Variants in MICU3 observed in about 807,000 individuals in gnomAD.
MICU3 encodes the protein calcium uptake protein 3, mitochondrial.
A neutral mutation model predicts 66.5 loss-of-function variants in MICU3; 62 were observed. The ratio of observed to expected loss-of-function variants is 0.93; its 90% CI spans 0.76 to 1.15. The LOEUF is 1.15. MICU3 is among the 50% of genes most tolerant of loss of function. The probability of loss-of-function intolerance (pLI) is 0.00; values close to 1 mark genes in which losing one functional copy is unlikely to be tolerated. For synonymous variants in MICU3, 308 were observed against 240.7 expected (o/e 1.28, Z -2.59); for missense variants, 779 against 664.4 (o/e 1.17, Z -1.90).
intron 9 of MICU3, among the ~76,000 whole-genome samples, chr8:17,099,452 A>G (rs1390602320): frequency 5.3e-5 from 8 of 151,762 alleles, no homozygotes; most frequent in Admixed American, 5.3e-4. Context: ...CCATATATAC[A>G]ATGTTACTCT....
Position 17,116,474 on chromosome 8 carries a change from T to C in MICU3, c.1398T>C (p.Thr466=), listed in dbSNP as rs372321858. Residue 466 remains threonine (T), a synonymous_variant, in exon 13 of 15, where the codon ACT becomes ACC. Coordinates refer to ENST00000318063, the MANE Select transcript of MICU3 (RefSeq NM_181723.3). ...TTAAACGTGCCGTCTATGTAGCTACTGGACTCAAATTTTCACCACATTTAG... is the reference window on the plus strand; with the variant it reads ...TTAAACGTGCCGTCTATGTAGCTACCGGACTCAAATTTTCACCACATTTAG... The part of the protein sequence containing the change: ...DEFKRAVYVA[T]GLKFSPHLVN... 2 of 1,538,148 alleles carry C rather than the reference T, an allele frequency of 1.3e-6. No individual in the cohort carries two copies. Among genetic ancestry groups the C allele is most frequent in the African/African-American group, 1.4e-5 (1 of 70,668 alleles).
intron 1 of MICU3, among the ~76,000 whole-genome samples, chr8:17,051,242 T>C (rs1360965522): frequency 6.6e-6 from 1 of 152,180 alleles, no homozygotes; most frequent in South Asian, 2.1e-4. Context: ...TTTTATATTT[T>C]AATTTTTAAA....
intron 9 of MICU3, among the ~76,000 whole-genome samples, chr8:17,099,581 A>G (rs1801080618): frequency 6.6e-6 from 1 of 151,826 alleles, no homozygotes; most frequent in Non-Finnish European, 1.5e-5. Flanking sequence ...TCTGTGATAT[A>G]TAAATGTGAT....
At chr8:17,089,494 A>G (rs894630537) in intron 7 of MICU3, among the ~76,000 whole-genome samples, 2 of 152,152 alleles carry the variant, frequency 1.3e-5, no homozygotes, top group African/African-American at 4.8e-5. Flanking sequence ...TAGAAATGAC[A>G]ATATGATTCC....
At chr8:17,067,490 G>A (rs779845606) in intron 2 of MICU3, among the ~76,000 whole-genome samples, 1 of 151,838 alleles carries the variant, frequency 6.6e-6, no homozygotes, top group Non-Finnish European at 1.5e-5. Flanking sequence ...ACCGCAATGG[G>A]GTGATCTCAG....
intron 1 of MICU3, among the ~76,000 whole-genome samples, chr8:17,033,228 A>G (rs1812390970): frequency 6.6e-6 from 1 of 152,242 alleles, no homozygotes. Context: ...GCCAAAAGAT[A>G]GGTCTCTTGT....
At position 17,114,180 on chromosome 8, in the gene MICU3, G is replaced by A; in HGVS notation, c.1345G>A (p.Ala449Thr). The A allele has an allele frequency of 3.1e-6, 5 of 1,608,416 alleles. No individual in the cohort carries two copies. The highest frequency in any genetic ancestry group is 1.1e-5 in the South Asian group (1 of 89,858). Residue 449 changes from alanine to threonine, a missense_variant, in exon 12 of 15, where the codon GCA (alanine) becomes ACA (threonine). By Grantham distance (58) the Ala-to-Thr change is moderately conservative. Coordinates refer to ENST00000318063, the MANE Select transcript of MICU3 (RefSeq NM_181723.3). ...FAIALNMYNF[A>T]SRSIGQDEFK... ...AATAGCCCTGAATATGTATAACTTT[G>A]CAAGTCGTTCTATAGGGCAAGGTAA...
intron 11 of MICU3, 141 bp from the exon 12 acceptor site, chr8:17,113,952 C>T (rs1802445220): frequency 2.0e-6 from 1 of 497,548 alleles, no homozygotes; most frequent in Admixed American, 3.8e-5. Flanking sequence ...AGTTGGAGAA[C>T]AACGTCAAAA....
intron 1 of MICU3, among the ~76,000 whole-genome samples, chr8:17,055,118 G>A (rs1055886281): frequency 6.6e-6 from 1 of 152,118 alleles, no homozygotes; most frequent in Non-Finnish European, 1.5e-5. Flanking sequence ...GGAAAACAAG[G>A]CCAGGCAGAG....
chr8:17,042,032 A>G (rs777837092), intron 1 of MICU3, among the ~76,000 whole-genome samples: 1 of 152,234 alleles, frequency 6.6e-6, no homozygotes, highest in Non-Finnish European at 1.5e-5. Flanking sequence ...GCAAGGCTCA[A>G]TATGAGCTTT....
chr8:17,132,789 T>A, the MICU3 span: 1 of 152,210 alleles, frequency 6.6e-6, no homozygotes, highest in Non-Finnish European at 1.5e-5. Flanking sequence ...TGTTATTAGG[T>A]GTTGCTACGG....
intron 1 of MICU3, among the ~76,000 whole-genome samples, chr8:17,054,976 A>G (rs1585252612): frequency 6.6e-6 from 1 of 152,078 alleles, no homozygotes; most frequent in African/African-American, 2.4e-5. Flanking sequence ...TGACCCCGTG[A>G]TCCGCCTGCC....
downstream of MICU3, among the ~76,000 whole-genome samples, chr8:17,124,921 A>G (rs1803365946): frequency 6.6e-6 from 1 of 152,054 alleles, no homozygotes; most frequent in African/African-American, 2.4e-5. Context: ...TGCCCCTACT[A>G]TTCCAAAATT....
chr8:17,123,424 T>C (rs1803315486), downstream of MICU3, among the ~76,000 whole-genome samples: 1 of 151,966 alleles, frequency 6.6e-6, no homozygotes, highest in Non-Finnish European at 1.5e-5. Context: ...GGGATCTGAA[T>C]GAGGATAGAT....
Position 17,027,275 on chromosome 8 carries a change from C to A in MICU3, c.-5C>A. 2 of 1,215,914 alleles carry A rather than the reference C, an allele frequency of 1.6e-6. No homozygotes were observed. The highest frequency in any genetic ancestry group is 2.8e-4 in the Middle Eastern group (1 of 3,574). The allele number at this position is 1,215,914 out of a possible 1,614,324, so 75.3% of individuals were successfully genotyped here. A position where few individuals can be genotyped will look rare whatever the true frequency, so the allele number is the denominator to read the frequency against. The stretch of plus-strand genomic sequence containing the variant: ...CTCCCAGCTCTGGTGTGGGCGGCCT[C>A]CGCTATGGCTGCGCTGCGAAGGCTC... On this transcript the variant is annotated 5_prime_UTR_variant, in exon 1 of 15. Transcript: ENST00000318063.
chr8:17,082,321 T>A (rs1361585670), intron 5 of MICU3, among the ~76,000 whole-genome samples: 1 of 152,152 alleles, frequency 6.6e-6, no homozygotes, highest in Non-Finnish European at 1.5e-5. Context: ...TACCTTCTGC[T>A]TCCTGTGCCA....
chr8:17,091,140 A>C (rs1291771259), intron 8 of MICU3, among the ~76,000 whole-genome samples: 1 of 152,082 alleles, frequency 6.6e-6, no homozygotes, highest in East Asian at 1.9e-4. Flanking sequence ...TTATTTCTAA[A>C]GAGGATAATG....
At chr8:17,134,176 A>G in the MICU3 span, 1 of 152,196 alleles carries the variant, frequency 6.6e-6, no homozygotes, top group African/African-American at 2.4e-5. Context: ...ACATAAAGAG[A>G]TTTATTGTAA....
At chr8:17,035,510 T>G (rs1467831812) in intron 1 of MICU3, among the ~76,000 whole-genome samples, 1 of 152,116 alleles carries the variant, frequency 6.6e-6, no homozygotes, top group African/African-American at 2.4e-5. Context: ...GAGGAACTTG[T>G]TGGGAACTGG....
Sources: gnomAD v4.1 joint callset for allele counts (sites outside exome capture counted in the v4.1 genomes callset) on GRCh38, gnomAD v4.1.1 for gene constraint, MANE v1.5 for transcripts, NCBI Gene and HGNC (gene_info 2026-07-23, HGNC 2026-07-21) for gene names.